CNTLN: variants seen among roughly 807,000 people sequenced by gnomAD.
CNTLN encodes the protein centlein.
In CNTLN, 212 loss-of-function variants were observed where a neutral mutation model predicts 180.0. That is an observed-to-expected ratio of 1.18 (90% CI 1.05 to 1.32). The LOEUF (loss-of-function observed/expected upper bound fraction) is 1.32, where lower values mean the gene tolerates loss of function less well. Among genes scored for constraint, CNTLN ranks in the 40% most tolerant of loss-of-function variants. The pLI, the probability that CNTLN is intolerant of heterozygous loss-of-function variation, is 0.00. For missense variants in CNTLN, 2,095 were observed against 1,610.9 expected, an observed-to-expected ratio of 1.30 and a Z score of -5.14; for synonymous variants, 722 against 563.1, an observed-to-expected ratio of 1.28 and a Z score of -3.99.
At chr9:17,400,619 G>C (rs1048845994) in intron 15 of CNTLN, among the ~76,000 whole-genome samples, 1 of 152,124 alleles carries the variant, frequency 6.6e-6, no homozygotes, top group Non-Finnish European at 1.5e-5. Flanking sequence ...CATATTCATA[G>C]ATACGTTGTG....
chr9:17,392,268 G>A (rs1826173027), intron 14 of CNTLN, among the ~76,000 whole-genome samples: 1 of 152,058 alleles, frequency 6.6e-6, no homozygotes, highest in Non-Finnish European at 1.5e-5. Flanking sequence ...TTGACTCAAA[G>A]AAAGTGTAAT....
chr9:17,526,716 T>A, the CNTLN span, among the ~76,000 whole-genome samples: 1 of 149,594 alleles, frequency 6.7e-6, no homozygotes, highest in Non-Finnish European at 1.5e-5. Context: ...TCTAAGAGCT[T>A]TAAGAACAAT....
rs559857948 is a variant in CNTLN at position 17,464,505 on chromosome 9, G to A, written c.3413G>A (p.Arg1138Gln). 8.2e-5 allele frequency: 125 copies of A among 1,519,126 alleles called. No homozygotes were observed. The South Asian group carries it at 1.2e-3, about 14-fold the overall frequency. 94.1% of individuals were successfully genotyped at this position (1,519,126 alleles called of 1,614,324 possible). ...HIKEMHEKIS[R>Q]MERDITMKRH... ...CCTTTTTTTTTTTCAAGGATATCTCGAATGGAGAGGGATATAACTATGAAA... is the reference window on the plus strand; with the variant it reads ...CCTTTTTTTTTTTCAAGGATATCTCAAATGGAGAGGGATATAACTATGAAA... Residue 1138 changes from arginine to glutamine, a missense_variant, in exon 21 of 26, where the codon CGA becomes CAA. Arg to Gln is a conservative substitution (Grantham distance 43). Coordinates refer to ENST00000380647, the MANE Select transcript of CNTLN (RefSeq NM_017738.4).
chr9:17,371,043 C>G (rs1824276500), intron 13 of CNTLN, among the ~76,000 whole-genome samples: 1 of 151,652 alleles, frequency 6.6e-6, no homozygotes. Context: ...ACAAGGAAAA[C>G]AAGAAAGAAT....
At chr9:17,360,598 T>A (rs936408742) in intron 12 of CNTLN, among the ~76,000 whole-genome samples, 17 of 152,164 alleles carry the variant, frequency 1.1e-4, no homozygotes, top group Non-Finnish European at 1.8e-4. Flanking sequence ...TTGCTAAGAC[T>A]GGATTTTACA....
intron 2 of CNTLN, among the ~76,000 whole-genome samples, chr9:17,155,127 A>C (rs892915344): frequency 6.6e-6 from 1 of 152,186 alleles, no homozygotes; most frequent in African/African-American, 2.4e-5. Flanking sequence ...AACCCACTGG[A>C]AGGAAGAAAC....
At chr9:17,447,238 C>A in intron 18 of CNTLN, 1 of 214,920 alleles carries the variant, frequency 4.7e-6, no homozygotes, top group South Asian at 8.6e-5. Context: ...TAAGTTCCAA[C>A]AGAGCCATGT....
chr9:17,211,346 G>T (rs1445714297), intron 2 of CNTLN, among the ~76,000 whole-genome samples: 1 of 152,142 alleles, frequency 6.6e-6, no homozygotes, highest in Non-Finnish European at 1.5e-5. Context: ...TGTCAGGTTT[G>T]TCAAAGATCA....
chr9:17,264,006 T>A (rs1827211468), intron 5 of CNTLN, among the ~76,000 whole-genome samples: 3 of 146,076 alleles, frequency 2.1e-5, no homozygotes, highest in Admixed American at 2.0e-4. Context: ...CTGTTCACTC[T>A]GATGATAGTT....
chr9:17,370,598 A>G (rs1452966077), intron 13 of CNTLN, among the ~76,000 whole-genome samples: 1 of 152,234 alleles, frequency 6.6e-6, no homozygotes, highest in Non-Finnish European at 1.5e-5. Context: ...TTAATGAGTA[A>G]TAAATCATCT....
intron 13 of CNTLN, among the ~76,000 whole-genome samples, chr9:17,374,438 G>T (rs772292143): frequency 1.6e-4 from 25 of 152,164 alleles, no homozygotes; most frequent in Non-Finnish European, 4.4e-5. Context: ...AGCCTGAATG[G>T]CTCTTATCCA....
intron 18 of CNTLN, among the ~76,000 whole-genome samples, chr9:17,421,786 C>T (rs1828743774): frequency 6.6e-6 from 1 of 151,908 alleles, no homozygotes; most frequent in Admixed American, 6.6e-5. Context: ...GCTTTGTAAC[C>T]AATTATTTTA....
chr9:17,178,134 C>G (rs1321891885), intron 2 of CNTLN, among the ~76,000 whole-genome samples: 3 of 151,562 alleles, frequency 2.0e-5, no homozygotes, highest in Admixed American at 6.6e-5. Flanking sequence ...AATATCTTAG[C>G]TAGACATAAA....
chr9:17,389,395 G>C (rs1328617134), intron 14 of CNTLN, among the ~76,000 whole-genome samples: 2 of 151,756 alleles, frequency 1.3e-5, no homozygotes, highest in African/African-American at 2.4e-5. Flanking sequence ...TATAATTTTT[G>C]TATCTATGGA....
the CNTLN span, among the ~76,000 whole-genome samples, chr9:17,515,594 T>A: frequency 6.6e-6 from 1 of 152,262 alleles, no homozygotes; most frequent in Non-Finnish European, 1.5e-5. Flanking sequence ...TAAACTTCCA[T>A]TTTGTTAGGC....
intron 5 of CNTLN, among the ~76,000 whole-genome samples, chr9:17,250,735 A>G (rs778492069): frequency 1.6e-4 from 24 of 152,074 alleles, no homozygotes; most frequent in East Asian, 1.9e-4. Context: ...TGTAGTTTAT[A>G]TAGTTTTTAT....
intron 23 of CNTLN, among the ~76,000 whole-genome samples, chr9:17,475,878 A>T (rs1192483458): frequency 1.3e-5 from 2 of 151,846 alleles, no homozygotes; most frequent in East Asian, 3.9e-4. Context: ...CTCTCAAAAA[A>T]AAAAAAAAAA....
intron 5 of CNTLN, among the ~76,000 whole-genome samples, chr9:17,272,543 C>G (rs1049955265): frequency 1.3e-5 from 2 of 152,146 alleles, no homozygotes; most frequent in African/African-American, 4.8e-5. Context: ...GTACCTCAGT[C>G]TGGAGCTAGA....
rs749681738 is a variant in CNTLN, at chr9:17,332,609, C to T, written c.1523C>T (p.Pro508Leu). Reference sequence around the variant, plus strand: ...TGTCCTTGTTTTATTCTCGAGGAACCACCTGTGAAACGTTCAAGGTCTTTG... The same window carrying T: ...TGTCCTTGTTTTATTCTCGAGGAACTACCTGTGAAACGTTCAAGGTCTTTG... ...MTSAEGKHKE[P>L]PVKRSRSLSP... Residue 508 changes from proline to leucine, a missense_variant, in exon 10 of 26, where the codon CCA (proline) becomes CTA (leucine). Pro to Leu is a moderately conservative substitution (Grantham distance 98). Transcript: ENST00000380647. 1 of 1,603,278 alleles carries T rather than the reference C, an allele frequency of 6.2e-7. No individual in the cohort carries two copies. Among genetic ancestry groups the T allele is most frequent in the African/African-American group, 1.3e-5 (1 of 74,218 alleles).
Sources: allele counts gnomAD v4.1 joint callset (sites outside exome capture counted in the v4.1 genomes callset), GRCh38; gene constraint gnomAD v4.1.1; transcripts MANE v1.5; gene names NCBI Gene and HGNC (gene_info 2026-07-23, HGNC 2026-07-21).